RB1CC1: variants seen among roughly 807,000 people sequenced by gnomAD.
The protein encoded by RB1CC1 is RB1 inducible coiled-coil 1.
In RB1CC1, 46 loss-of-function variants were observed where a neutral mutation model predicts 177.5. The observed-to-expected ratio is 0.26, with a 90% CI of 0.20 to 0.33. The LOEUF is 0.33. RB1CC1 is among the 10% of genes least tolerant of loss of function. The pLI is 1.00. For synonymous variants in RB1CC1, 666 were observed against 613.6 expected (o/e 1.09, Z -1.26); for missense variants, 1,703 against 1,816.3 (o/e 0.94, Z 1.13).
chr8:52,623,905 A>C lies in RB1CC1; in HGVS notation c.4708-46T>G, dbSNP rs752727230. On this transcript the variant is annotated intron_variant, in intron 23 of 23. Transcript: ENST00000025008. Reference sequence around the variant, plus strand: ...GGAATCACTAGAGTGATTAAACCACATCTCTCTCTCTCACACACACACACA... The same window carrying C: ...GGAATCACTAGAGTGATTAAACCACCTCTCTCTCTCTCACACACACACACA... The C allele has an allele frequency of 1.1e-5, 13 of 1,222,944 alleles. No homozygotes were observed. The African/African-American group carries it at 1.1e-4, about 10-fold the overall frequency. The allele number at this position is 1,222,944 out of a possible 1,614,324, so 75.8% of individuals were successfully genotyped here.
At chr8:52,663,659 G>A (rs1851818777) in intron 8 of RB1CC1, among the ~76,000 whole-genome samples, 2 of 152,126 alleles carry the variant, frequency 1.3e-5, no homozygotes, top group South Asian at 4.1e-4. Flanking sequence ...ACATTCTAAA[G>A]GAAGTACTGA....
intron 20 of RB1CC1, among the ~76,000 whole-genome samples, chr8:52,631,607 A>G (rs1848762587): frequency 6.6e-6 from 1 of 152,208 alleles, no homozygotes; most frequent in South Asian, 2.1e-4. Context: ...ACCCTTGCTG[A>G]CATCAAGACA....
chr8:52,695,903 G>A (rs1161145923), intron 1 of RB1CC1, among the ~76,000 whole-genome samples: 1 of 152,206 alleles, frequency 6.6e-6, no homozygotes, highest in African/African-American at 2.4e-5. Context: ...TGGGGAACCT[G>A]TGAGTTTGTA....
chr8:52,624,583 C>A, intron 23 of RB1CC1, 134 bp downstream of exon 23: 1 of 714,938 alleles, frequency 1.4e-6, no homozygotes, highest in Non-Finnish European at 2.3e-6. Flanking sequence ...TTCAAACTCA[C>A]TCTCATTAAA....
intron 16 of RB1CC1, among the ~76,000 whole-genome samples, chr8:52,643,658 C>T (rs977276327): frequency 4.9e-5 from 7 of 143,480 alleles, no homozygotes; most frequent in Non-Finnish European, 9.0e-5. Flanking sequence ...CACTGAATTC[C>T]AGCCTGAATG....
intron 1 of RB1CC1, among the ~76,000 whole-genome samples, chr8:52,709,169 T>A (rs1478450218): frequency 6.6e-6 from 1 of 152,020 alleles, no homozygotes; most frequent in Non-Finnish European, 1.5e-5. Flanking sequence ...ATCATGCCAT[T>A]GCACTCCAGC....
chr8:52,643,693 A>G (rs928499577), intron 16 of RB1CC1, among the ~76,000 whole-genome samples: 2 of 84,576 alleles, frequency 2.4e-5, no homozygotes, highest in African/African-American at 4.9e-5. Context: ...TGTCTCTAAG[A>G]GGCAAAAAAA....
intron 22 of RB1CC1, among the ~76,000 whole-genome samples, chr8:52,627,325 C>A (rs541000564): frequency 6.6e-5 from 10 of 152,052 alleles, no homozygotes; most frequent in African/African-American, 2.4e-4. Context: ...CCAGCCTAGG[C>A]GACAGAGCAA....
chr8:52,712,632 AAAT>A (rs1857156134), intron 1 of RB1CC1, among the ~76,000 whole-genome samples: 1 of 152,212 alleles, frequency 6.6e-6, no homozygotes. Flanking sequence ...AAAATAGACT[AAAT>A]AAAATTACTT....
chr8:52,623,712 G>T lies in RB1CC1; in HGVS notation c.*70C>A. On this transcript the variant is annotated 3_prime_UTR_variant, in exon 24 of 24. Coordinates refer to ENST00000025008, the MANE Select transcript of RB1CC1 (RefSeq NM_014781.5). ...ATAAAAAGATGGCCTGCTGTTTTTG[G>T]AGTGATGAATGAGCACTGCAGGACA... 1 of 1,100,324 alleles carries T rather than the reference G, an allele frequency of 9.1e-7. No individual in the cohort carries two copies. Among genetic ancestry groups the T allele is most frequent in the Non-Finnish European group, 1.4e-6 (1 of 719,032 alleles). 68.2% of individuals were successfully genotyped at this position (1,100,324 alleles called of 1,614,324 possible). A position where few individuals can be genotyped will look rare whatever the true frequency, so the allele number is the denominator to read the frequency against.
intron 7 of RB1CC1, among the ~76,000 whole-genome samples, chr8:52,671,537 A>T (rs1852603455): frequency 1.3e-5 from 2 of 152,364 alleles, no homozygotes; most frequent in Admixed American, 1.3e-4. Context: ...ATCAAGAAAA[A>T]GTATAGTACT....
rs1400832929 is a variant in RB1CC1, at chr8:52,657,859, T to C, written c.1970A>G (p.Glu657Gly). The C allele has an allele frequency of 1.2e-6, 2 of 1,613,982 alleles. No individual in the cohort carries two copies. The highest frequency in any genetic ancestry group is 1.7e-6 in the Non-Finnish European group (2 of 1,179,992). Residue 657 changes from glutamate to glycine, a missense_variant, in exon 15 of 24, where the codon GAA (glutamate) becomes GGA (glycine). This residue lies in a region of RB1CC1 where 1,169 missense variants were observed against 1,184.7 expected (regional missense o/e 0.99). Coordinates refer to ENST00000025008, the MANE Select transcript of RB1CC1 (RefSeq NM_014781.5). ...AGTAGTTGTAATTCCTGCTGTACTT[T>C]CCATCCTTGGTGAAGAAGCAGACTG... ...SPQSASSPRM[E>G]STAGITTTTS... is the part of the protein sequence containing the mutation.
At chr8:52,673,100 A>T (rs557887729) in intron 7 of RB1CC1, among the ~76,000 whole-genome samples, 1 of 152,322 alleles carries the variant, frequency 6.6e-6, no homozygotes, top group African/African-American at 2.4e-5. Flanking sequence ...ATCCTGCTCT[A>T]AATAGTGAAT....
intron 1 of RB1CC1, among the ~76,000 whole-genome samples, chr8:52,712,203 T>A (rs1037631713): frequency 2.6e-5 from 4 of 151,984 alleles, no homozygotes; most frequent in African/African-American, 9.7e-5. Flanking sequence ...GTAACTGGAG[T>A]CAGAAAATAT....
chr8:52,674,407 TA>T (rs1220944048), intron 6 of RB1CC1, 133 bp from the exon 7 acceptor site: 1 of 763,560 alleles, frequency 1.3e-6, no homozygotes, highest in Non-Finnish European at 2.1e-6. Context: ...ATACATAAAC[TA>T]GTCTATGAGC....
At chr8:52,665,665 T>C (rs1475624554) in intron 8 of RB1CC1, among the ~76,000 whole-genome samples, 1 of 152,194 alleles carries the variant, frequency 6.6e-6, no homozygotes, top group African/African-American at 2.4e-5. Flanking sequence ...CTGTCTCTAG[T>C]AATGGTAGCC....
chr8:52,679,981 C>T (rs999340725), intron 5 of RB1CC1, among the ~76,000 whole-genome samples: 21 of 152,180 alleles, frequency 1.4e-4, no homozygotes, highest in African/African-American at 4.6e-4. Context: ...GATTCTGCTT[C>T]TAACTGGGGA....
chr8:52,628,161 C>A lies in RB1CC1; in HGVS notation c.4507G>T (p.Val1503Leu). ...AGGATGATGAGTACCAAATCTCCCA[C>A]CTGAAAACTGAATAAAGAAATGCAA... ...SEKIAIRDFQVGDLVLIILDE... is the reference protein window; with the variant it reads ...SEKIAIRDFQLGDLVLIILDE... The change falls in exon 22 of 24, where the codon GTG (valine) becomes TTG (leucine). Residue 1503 changes from valine (V) to leucine (L), a missense_variant. Around this residue, in one of 6 missense-constraint regions of RB1CC1, gnomAD observed 70 missense variants for 118.0 expected, o/e 0.59. Coordinates refer to ENST00000025008, the MANE Select transcript of RB1CC1 (RefSeq NM_014781.5). The A allele has an allele frequency of 6.2e-7, 1 of 1,607,504 alleles. No individual in the cohort carries two copies. Among genetic ancestry groups the A allele is most frequent in the Non-Finnish European group, 8.5e-7 (1 of 1,176,576 alleles).
intron 1 of RB1CC1, among the ~76,000 whole-genome samples, chr8:52,705,146 C>T (rs1856438474): frequency 6.6e-6 from 1 of 152,124 alleles, no homozygotes; most frequent in South Asian, 2.1e-4. Context: ...TCATAACTCA[C>T]ACGGTAGTTA....
Sources: gnomAD v4.1 joint callset for allele counts (sites outside exome capture counted in the v4.1 genomes callset) on GRCh38, gnomAD v4.1.1 for gene constraint, gnomAD v4.1.1 regional missense constraint, MANE v1.5 for transcripts, NCBI Gene and HGNC (gene_info 2026-07-23, HGNC 2026-07-21) for gene names.